MFHAS1: variants seen among roughly 807,000 people sequenced by gnomAD.
The protein encoded by MFHAS1 is malignant fibrous histiocytoma-amplified sequence 1.
In MFHAS1, 50 loss-of-function variants were observed where a neutral mutation model predicts 70.4. The ratio of observed to expected loss-of-function variants is 0.71; its 90% confidence interval spans 0.57 to 0.90. The LOEUF (loss-of-function observed/expected upper bound fraction) is 0.90. MFHAS1 is among the 40% of genes least tolerant of loss of function. The probability of loss-of-function intolerance (pLI) is 0.00; values close to 1 mark genes in which losing one functional copy is unlikely to be tolerated. For missense variants in MFHAS1, 1,795 were observed against 1,347.6 expected (o/e 1.33, Z -5.20); for synonymous variants, 952 against 620.0 (o/e 1.54, Z -7.96).
intron 2 of MFHAS1, among the ~76,000 whole-genome samples, chr8:8,792,696 G>A (rs186988391): frequency 6.6e-6 from 1 of 152,324 alleles, no homozygotes; most frequent in African/African-American, 2.4e-5. Flanking sequence ...CAAATAGGCA[G>A]GAGATTTCTT....
At chr8:8,838,718 C>G (rs552570125) in intron 1 of MFHAS1, among the ~76,000 whole-genome samples, 1 of 150,952 alleles carries the variant, frequency 6.6e-6, no homozygotes, top group East Asian at 2.0e-4. Flanking sequence ...GAGGGTGAGG[C>G]AGGAGAATCG....
intron 1 of MFHAS1, among the ~76,000 whole-genome samples, chr8:8,832,826 G>T (rs911691099): frequency 6.6e-6 from 1 of 151,532 alleles, no homozygotes; most frequent in Non-Finnish European, 1.5e-5. Flanking sequence ...GTCGAGGCGA[G>T]GTCTCTTTTA....
Position 8,786,063 on chromosome 8 carries a change from G to C in MFHAS1, c.3126-8C>G, listed in dbSNP as rs1017840199. On this transcript the variant is annotated splice_polypyrimidine_tract_variant and splice_region_variant and intron_variant, in intron 2 of 2. Coordinates refer to ENST00000276282, the MANE Select transcript of MFHAS1 (RefSeq NM_004225.3). ...TTTTCACCAACATTCTTCCTGTATG[G>C]GTGGACAACAAGAAAGCACAGAGAT... 6.2e-7 allele frequency: 1 copy of C among 1,613,536 alleles called. No individual in the cohort carries two copies. The highest frequency in any genetic ancestry group is 1.3e-5 in the African/African-American group (1 of 74,864).
At chr8:8,859,554 C>G (rs1180358498) in intron 1 of MFHAS1, among the ~76,000 whole-genome samples, 1 of 152,190 alleles carries the variant, frequency 6.6e-6, no homozygotes, top group Non-Finnish European at 1.5e-5. Context: ...CCAACCCCTC[C>G]TCTTCTTCCT....
At chr8:8,846,768 T>G (rs1808053173) in intron 1 of MFHAS1, among the ~76,000 whole-genome samples, 1 of 152,150 alleles carries the variant, frequency 6.6e-6, no homozygotes, top group South Asian at 2.1e-4. Flanking sequence ...AAGGTTCTGC[T>G]GAATTAGCCC....
At chr8:8,820,838 C>T (rs576592849) in intron 1 of MFHAS1, among the ~76,000 whole-genome samples, 2 of 152,278 alleles carry the variant, frequency 1.3e-5, no homozygotes, top group South Asian at 4.1e-4. Context: ...GCTGTGCTGC[C>T]ATTTGCATCG....
intron 1 of MFHAS1, among the ~76,000 whole-genome samples, chr8:8,848,838 C>A (rs958530050): frequency 6.6e-6 from 1 of 152,100 alleles, no homozygotes; most frequent in African/African-American, 2.4e-5. Flanking sequence ...TCAAACAGTG[C>A]GAAGTCGGTT....
rs1025798370 is a variant in MFHAS1, at chr8:8,893,091, C to G, written c.-33G>C. ...CCCCGGGCCGACAGCCTCACGCGGA[C>G]GCGGGAGCCCGCAGCTACATGCCGC... On this transcript the variant is annotated 5_prime_UTR_variant, in exon 1 of 3. Coordinates refer to ENST00000276282, the MANE Select transcript of MFHAS1 (RefSeq NM_004225.3). 9.3e-6 allele frequency: 13 copies of G among 1,405,092 alleles called. No individual in the cohort carries two copies. The South Asian group carries it at 1.8e-4, about 19-fold the overall frequency. The allele number at this position is 1,405,092 out of a possible 1,614,324, so 87.0% of individuals were successfully genotyped here. A position where few individuals can be genotyped will look rare whatever the true frequency, so the allele number is the denominator to read the frequency against.
chr8:8,808,523 T>C (rs911197540), intron 1 of MFHAS1, among the ~76,000 whole-genome samples: 1 of 152,156 alleles, frequency 6.6e-6, no homozygotes, highest in Admixed American at 6.5e-5. Flanking sequence ...AGTGCTTTAG[T>C]AAAAAGCTGA....
chr8:8,892,291 C>T lies in MFHAS1; in HGVS notation c.768G>A (p.Met256Ile). The T allele has an allele frequency of 1.2e-6, 2 of 1,612,478 alleles. No homozygotes were observed. Among genetic ancestry groups the T allele is most frequent in the East Asian group, 4.5e-5 (2 of 44,840 alleles). The change falls in exon 1 of 3, where the codon ATG (methionine) becomes ATA (isoleucine). Residue 256 changes from methionine to isoleucine, a missense_variant. By Grantham distance (10) the Met-to-Ile change is conservative. Coordinates refer to ENST00000276282, the MANE Select transcript of MFHAS1 (RefSeq NM_004225.3). This position sits in a 1 kb window ranked among gnomAD's most constrained non-coding sequence, Gnocchi z 4.7. ...GAGCCTGCAGCCCGTTGTTGTCTAGCATGAGGCTCTCCAAACTGGCCAGCT... is the reference window on the plus strand; with the variant it reads ...GAGCCTGCAGCCCGTTGTTGTCTAGTATGAGGCTCTCCAAACTGGCCAGCT... ...FCELASLESL[M>I]LDNNGLQALP...
At chr8:8,828,326 G>C (rs534364548) in intron 1 of MFHAS1, among the ~76,000 whole-genome samples, 1 of 152,340 alleles carries the variant, frequency 6.6e-6, no homozygotes, top group African/African-American at 2.4e-5. Context: ...CTTAGGTGCG[G>C]TGAAATCAAA....
intron 1 of MFHAS1, among the ~76,000 whole-genome samples, chr8:8,856,586 T>G (rs1286416600): frequency 1.3e-5 from 2 of 152,226 alleles, no homozygotes; most frequent in Non-Finnish European, 2.9e-5. Flanking sequence ...TCAAAGACTC[T>G]AAATTGGGAA....
chr8:8,872,833 G>A (rs1246595384), intron 1 of MFHAS1, among the ~76,000 whole-genome samples: 1 of 152,182 alleles, frequency 6.6e-6, no homozygotes, highest in Non-Finnish European at 1.5e-5. Flanking sequence ...CACAGAGCAT[G>A]CACATGTGTG....
intron 1 of MFHAS1, among the ~76,000 whole-genome samples, chr8:8,809,386 C>A (rs1471441488): frequency 6.6e-6 from 1 of 152,074 alleles, no homozygotes; most frequent in Non-Finnish European, 1.5e-5. Flanking sequence ...CACACCCTGC[C>A]CTTTGTTGCT....
Position 8,890,674 on chromosome 8 carries a change from A to C in MFHAS1, c.2385T>G (p.His795Gln). The C allele has an allele frequency of 6.2e-7, 1 of 1,613,494 alleles. No homozygotes were observed. The highest frequency in any genetic ancestry group is 8.5e-7 in the Non-Finnish European group (1 of 1,179,602). ...GAATGACATGAGCTGGCAAGAGCCC[A>C]TGCAACAGAAAGCCCTCCACATACT... ...LHQYVEGFLL[H>Q]GLLPAHVIRL... The change falls in exon 1 of 3, where the codon CAT (histidine) becomes CAG (glutamine). Residue 795 changes from histidine to glutamine, a missense_variant. By Grantham distance (24) the His-to-Gln change is conservative. Coordinates refer to ENST00000276282, the MANE Select transcript of MFHAS1 (RefSeq NM_004225.3).
Position 8,890,301 on chromosome 8 carries a change from T to C in MFHAS1, c.2758A>G (p.Arg920Gly), listed in dbSNP as rs1809939889. The stretch of plus-strand genomic sequence containing the variant: ...CTCACAACCACAGGAACTTTCCCTC[T>C]ATAGGCAAAGATCTGAAATTTACCA... Reference protein sequence around the residue: ...SDGKFQIFAYRGKVPVVVSYR... With the variant: ...SDGKFQIFAYGGKVPVVVSYR... Residue 920 changes from arginine (R) to glycine (G), a missense_variant, in exon 1 of 3, where the codon AGA becomes GGA. By Grantham distance (125) the Arg-to-Gly change is moderately radical (BLOSUM62 -2). Transcript: ENST00000276282. The C allele has an allele frequency of 1.2e-6, 2 of 1,614,118 alleles. No homozygotes were observed. Among genetic ancestry groups the C allele is most frequent in the Non-Finnish European group, 1.7e-6 (2 of 1,180,052 alleles).
intron 1 of MFHAS1, among the ~76,000 whole-genome samples, chr8:8,832,972 C>G (rs1807461435): frequency 6.6e-6 from 1 of 152,132 alleles, no homozygotes; most frequent in African/African-American, 2.4e-5. Flanking sequence ...GTTCTGCAGG[C>G]TGTACAAAAA....
chr8:8,890,900 G>A lies in MFHAS1; in HGVS notation c.2159C>T (p.Pro720Leu). 1 of 1,614,070 alleles carries A rather than the reference G, an allele frequency of 6.2e-7. No homozygotes were observed. The highest frequency in any genetic ancestry group is 1.6e-4 in the Middle Eastern group (1 of 6,062). ...GTGGAAGACGTGCTCCTTGAGAGCC[G>A]GACTGTCCTCAAAGTAGAGTAGCTT... is the stretch of plus-strand genomic sequence containing the variant. ...SGKLLYFEDS[P>L]ALKEHVFHNL... Residue 720 changes from proline (P) to leucine (L), a missense_variant, in exon 1 of 3, where the codon CCG becomes CTG. Transcript: ENST00000276282.
intron 1 of MFHAS1, among the ~76,000 whole-genome samples, chr8:8,820,885 C>G (rs1806928026): frequency 6.6e-6 from 1 of 152,212 alleles, no homozygotes; most frequent in South Asian, 2.1e-4. Context: ...CCACTGGATG[C>G]TTTGAACAAA....
Sources: gnomAD v4.1 joint callset for allele counts (sites outside exome capture counted in the v4.1 genomes callset) on GRCh38, gnomAD v4.1.1 for gene constraint, Gnocchi (gnomAD v3.1) non-coding constraint, MANE v1.5 for transcripts, NCBI Gene and HGNC (gene_info 2026-07-23, HGNC 2026-07-21) for gene names.